CCSER1: variants seen among roughly 807,000 people sequenced by gnomAD.
CCSER1 encodes the protein serine-rich coiled-coil domain-containing protein 1.
CCSER1 carries 41 observed loss-of-function variants against 82.0 expected under a neutral mutation model. The ratio of observed to expected loss-of-function variants is 0.50; its 90% CI spans 0.39 to 0.65. The LOEUF (loss-of-function observed/expected upper bound fraction) is 0.65, where lower values mean the gene tolerates loss of function less well. Ranked by LOEUF, CCSER1 falls within the 30% of genes least tolerant of loss-of-function variation. The pLI is 0.00. For synonymous variants in CCSER1, 414 were observed against 383.9 expected (o/e 1.08, Z -0.92); for missense variants, 1,119 against 1,064.2 (o/e 1.05, Z -0.72).
intron 10 of CCSER1, among the ~76,000 whole-genome samples, chr4:91,538,650 A>G (rs1200919060): frequency 7.0e-6 from 1 of 143,234 alleles, no homozygotes; most frequent in Non-Finnish European, 1.5e-5. Flanking sequence ...ATACAAACAT[A>G]AATTTTAGTT....
At chr4:90,465,614 C>T (rs1037814722) in intron 4 of CCSER1, among the ~76,000 whole-genome samples, 2 of 152,028 alleles carry the variant, frequency 1.3e-5, no homozygotes, top group Non-Finnish European at 2.9e-5. Context: ...ATAAATTAAT[C>T]ACGGGGAGAC....
intron 1 of CCSER1, among the ~76,000 whole-genome samples, chr4:90,168,913 G>C (rs1463324298): frequency 6.6e-6 from 1 of 151,334 alleles, no homozygotes; most frequent in Non-Finnish European, 1.5e-5. Context: ...GTAGCGTGAT[G>C]CCTCCAGCTT....
intron 10 of CCSER1, among the ~76,000 whole-genome samples, chr4:91,515,861 CTCT>C (rs1760080999): frequency 1.1e-5 from 1 of 94,822 alleles, no homozygotes; most frequent in African/African-American, 5.2e-5. Context: ...TTGCCAGCAT[CTCT>C]TTTTTTTTTT....
chr4:91,435,850 C>G (rs186692789), intron 10 of CCSER1, among the ~76,000 whole-genome samples: 139 of 152,226 alleles, frequency 9.1e-4, no homozygotes, highest in African/African-American at 2.7e-3. Context: ...TGCTTTTTGT[C>G]TTACTTTCAT....
intron 5 of CCSER1, among the ~76,000 whole-genome samples, chr4:90,583,340 A>G (rs1005782042): frequency 1.3e-5 from 2 of 151,822 alleles, no homozygotes; most frequent in African/African-American, 2.4e-5. Flanking sequence ...TAATTTTTGT[A>G]TTTTTAGTAG....
chr4:90,850,289 G>A (rs1264180361), intron 8 of CCSER1, among the ~76,000 whole-genome samples: 1 of 152,170 alleles, frequency 6.6e-6, no homozygotes, highest in South Asian at 2.1e-4. Flanking sequence ...GGCCCAGTGG[G>A]GACTCTATAT....
At chr4:91,108,826 A>C (rs1725855152) in intron 10 of CCSER1, among the ~76,000 whole-genome samples, 1 of 152,216 alleles carries the variant, frequency 6.6e-6, no homozygotes, top group Non-Finnish European at 1.5e-5. Flanking sequence ...AGGAATACGA[A>C]GATAGCTGGT....
rs572492993 is a variant in CCSER1, at chr4:91,265,253, A to C, written c.2217+179259A>C. Among the ~76,000 whole-genome samples the C allele has an allele frequency of 1.2e-4, 18 of 151,962 alleles. No homozygotes were observed. The South Asian group carries it at 3.5e-3, about 30-fold the overall frequency. On this transcript the variant is annotated intron_variant, in intron 10 of 10. Coordinates refer to ENST00000509176, the MANE Select transcript of CCSER1 (RefSeq NM_001145065.2). ...TTAGAACTGTTTCAGTAAACAATTTAATTAAAAATTAAGCTCCTGAATAAA... is the reference window on the plus strand; with the variant it reads ...TTAGAACTGTTTCAGTAAACAATTTCATTAAAAATTAAGCTCCTGAATAAA...
chr4:90,129,668 A>G (rs1238062563), intron 1 of CCSER1, among the ~76,000 whole-genome samples: 1 of 152,208 alleles, frequency 6.6e-6, no homozygotes, highest in East Asian at 1.9e-4. Flanking sequence ...TAAATTAATT[A>G]GTTATTTTGA....
chr4:90,804,964 G>T (rs1757316623), intron 7 of CCSER1, among the ~76,000 whole-genome samples: 1 of 151,922 alleles, frequency 6.6e-6, no homozygotes, highest in African/African-American at 2.4e-5. Flanking sequence ...GAAAATCATT[G>T]CAAATATAAT....
At chr4:90,968,929 A>G (rs1232220513) in intron 9 of CCSER1, among the ~76,000 whole-genome samples, 1 of 152,104 alleles carries the variant, frequency 6.6e-6, no homozygotes, top group East Asian at 1.9e-4. Context: ...AACAAAAAGA[A>G]GAAAAACAAT....
At chr4:90,366,587 G>GA (rs891882580) in intron 3 of CCSER1, among the ~76,000 whole-genome samples, 7 of 151,186 alleles carry the variant, frequency 4.6e-5, no homozygotes, top group East Asian at 3.9e-4. Context: ...ACTCAAAAGG[G>GA]AAAAAAAATC....
rs2110223672 is a variant in CCSER1 at position 91,551,086 on chromosome 4, G to T, written c.2218-47486G>T. Among the ~76,000 whole-genome samples the T allele has an allele frequency of 1.3e-5, 2 of 152,050 alleles. 1 individual carries two copies. Among genetic ancestry groups the T allele is most frequent in the South Asian group, 4.1e-4 (2 of 4,826 alleles). ...AACTACTATATTTCTAGGGGCATGGGCAGGATTTTTGTTACATTATTTTAC... is the reference window on the plus strand; with the variant it reads ...AACTACTATATTTCTAGGGGCATGGTCAGGATTTTTGTTACATTATTTTAC... On this transcript the variant is annotated intron_variant, in intron 10 of 10. Coordinates refer to ENST00000509176, the MANE Select transcript of CCSER1 (RefSeq NM_001145065.2).
chr4:90,630,868 G>GATGATT (rs1553964991), intron 6 of CCSER1, among the ~76,000 whole-genome samples: 40 of 143,330 alleles, frequency 2.8e-4, no homozygotes, highest in Admixed American at 2.4e-3. Flanking sequence ...TTTGTTCACA[G>GATGATT]ATTATTATTA....
rs927748467 is a variant in CCSER1, at chr4:91,354,871, G to C, written c.2218-243701G>C. 3.9e-5 allele frequency among the ~76,000 whole-genome samples: 6 copies of C among 152,162 alleles called. No individual in the cohort carries two copies. In the South Asian group the frequency reaches 1.2e-3, roughly 32 times the overall value. On this transcript the variant is annotated intron_variant, in intron 10 of 10. Transcript: ENST00000509176. ...TTTCTGGTTTTTCCTAGAGTCTCTGGTACTGGCACATTTAGTTTATTACAG... is the reference window on the plus strand; with the variant it reads ...TTTCTGGTTTTTCCTAGAGTCTCTGCTACTGGCACATTTAGTTTATTACAG...
At chr4:90,342,085 A>G (rs1741481022) in intron 3 of CCSER1, among the ~76,000 whole-genome samples, 1 of 152,174 alleles carries the variant, frequency 6.6e-6, no homozygotes, top group Non-Finnish European at 1.5e-5. Context: ...TTAATAAGAC[A>G]ATTATTTTCT....
At chr4:91,111,745 A>G (rs1481292938) in intron 10 of CCSER1, among the ~76,000 whole-genome samples, 2 of 151,764 alleles carry the variant, frequency 1.3e-5, no homozygotes, top group East Asian at 3.8e-4. Context: ...TAATAATAAA[A>G]CATTAAACCA....
At chr4:91,379,637 C>T (rs936268424) in intron 10 of CCSER1, among the ~76,000 whole-genome samples, 22 of 151,746 alleles carry the variant, frequency 1.4e-4, no homozygotes, top group Admixed American at 1.4e-3. Flanking sequence ...CTTGATTCTT[C>T]TCTCTGCTTT....
At chr4:90,401,109 C>T (rs576181656) in intron 4 of CCSER1, among the ~76,000 whole-genome samples, 1 of 152,020 alleles carries the variant, frequency 6.6e-6, no homozygotes, top group Non-Finnish European at 1.5e-5. Context: ...AAGGCAATAA[C>T]AATGTTGATA....
Sources: gnomAD v4.1 joint callset for allele counts (sites outside exome capture counted in the v4.1 genomes callset) on GRCh38, gnomAD v4.1.1 for gene constraint, MANE v1.5 for transcripts, NCBI Gene and HGNC (gene_info 2026-07-23, HGNC 2026-07-21) for gene names.